ABI1: variants seen among roughly 807,000 people sequenced by gnomAD.
ABI1 encodes the protein Abelson interactor 1.
Under a neutral mutation model 54.6 loss-of-function variants are expected in ABI1, and 14 were observed. The observed-to-expected ratio is 0.26, with a 90% confidence interval of 0.17 to 0.40. The LOEUF is 0.40. ABI1 is among the 10% of genes least tolerant of loss of function. The pLI, the probability that ABI1 is intolerant of heterozygous loss-of-function variation, is 1.00. For synonymous variants in ABI1, 194 were observed against 209.3 expected (o/e 0.93, Z 0.63); for missense variants, 443 against 598.3 (o/e 0.74, Z 2.71).
At chr10:26,818,779 C>A (rs1413570682) in intron 2 of ABI1, among the ~76,000 whole-genome samples, 1 of 151,994 alleles carries the variant, frequency 6.6e-6, no homozygotes, top group Non-Finnish European at 1.5e-5. Context: ...ATCACGAGGT[C>A]AGGGGTTCAA....
At chr10:26,753,521 G>A (rs989566927) in intron 9 of ABI1, among the ~76,000 whole-genome samples, 1 of 152,166 alleles carries the variant, frequency 6.6e-6, no homozygotes, top group African/African-American at 2.4e-5. Flanking sequence ...TATGGCGAAG[G>A]AAGTCTTGGT....
Position 26,791,726 on chromosome 10 carries a change from T to C in ABI1, c.286-14485A>G, listed in dbSNP as rs1052152529. On this transcript the variant is annotated intron_variant, in intron 2 of 10. Transcript: ENST00000376140. ...AAATCATGCTTATAAGGAAACTTGG[T>C]ATCTTACAGTGATAGCACAGTAAGA... 3.2e-4 allele frequency among the ~76,000 whole-genome samples: 49 copies of C among 152,170 alleles called. 1 individual carries two copies. Among genetic ancestry groups the C allele is most frequent in the African/African-American group, 1.1e-3 (47 of 41,446 alleles).
At chr10:26,802,227 C>T (rs2046610811) in intron 2 of ABI1, among the ~76,000 whole-genome samples, 5 of 152,172 alleles carry the variant, frequency 3.3e-5, no homozygotes. Flanking sequence ...GATGCCAGAC[C>T]TTTAAAGAAC....
intron 2 of ABI1, among the ~76,000 whole-genome samples, chr10:26,822,393 G>A (rs995181700): frequency 4.9e-5 from 7 of 143,164 alleles, no homozygotes; most frequent in Non-Finnish European, 1.1e-4. Context: ...AAAAGCATAT[G>A]ACCACACAAA....
intron 1 of ABI1, among the ~76,000 whole-genome samples, chr10:26,855,003 T>A (rs2050696216): frequency 6.7e-6 from 1 of 148,230 alleles, no homozygotes; most frequent in African/African-American, 2.5e-5. Flanking sequence ...CAAAACTTCT[T>A]GAGCATCAAC....
At chr10:26,775,198 G>A (rs1841227378) in intron 3 of ABI1, among the ~76,000 whole-genome samples, 1 of 152,076 alleles carries the variant, frequency 6.6e-6, no homozygotes, top group Non-Finnish European at 1.5e-5. Flanking sequence ...ATCCTTTAGA[G>A]AGAACACAAA....
intron 1 of ABI1, among the ~76,000 whole-genome samples, chr10:26,856,834 G>A (rs951003798): frequency 2.3e-4 from 35 of 152,096 alleles, no homozygotes; most frequent in African/African-American, 8.4e-4. Flanking sequence ...CTTTTCACTC[G>A]GCTTTCCTTC....
At chr10:26,847,296 G>A (rs1382547519) in intron 1 of ABI1, among the ~76,000 whole-genome samples, 1 of 152,082 alleles carries the variant, frequency 6.6e-6, no homozygotes, top group Non-Finnish European at 1.5e-5. Context: ...AAGAATAAGA[G>A]TTATCACCAG....
intron 3 of ABI1, among the ~76,000 whole-genome samples, chr10:26,772,428 A>G (rs1307417654): frequency 6.6e-6 from 1 of 152,266 alleles, no homozygotes; most frequent in East Asian, 1.9e-4. Context: ...ATATGTCCAC[A>G]TATCTTCCTT....
intron 8 of ABI1, among the ~76,000 whole-genome samples, chr10:26,757,489 G>C (rs1192309816): frequency 1.3e-5 from 2 of 151,920 alleles, no homozygotes; most frequent in East Asian, 3.9e-4. Flanking sequence ...AAAAAGATGG[G>C]ATCTAAAAAT....
At chr10:26,764,841 G>T (rs1839712137) in intron 7 of ABI1, among the ~76,000 whole-genome samples, 1 of 152,134 alleles carries the variant, frequency 6.6e-6, no homozygotes, top group South Asian at 2.1e-4. Context: ...ATGTGTGTAG[G>T]TTATATGCAA....
In ABI1 at chr10:26,823,173, G is replaced by A. The variant is rs781745153; in HGVS notation, c.250C>T (p.Arg84Trp). Residue 84 changes from arginine (R) to tryptophan (W), a missense_variant, in exon 2 of 11, where the codon CGG (arginine) becomes TGG (tryptophan). By Grantham distance (101) the Arg-to-Trp change is moderately radical. This residue lies in a region of ABI1 where 394 missense variants were observed against 484.8 expected (regional missense o/e 0.81). Coordinates refer to ENST00000376140, the MANE Select transcript of ABI1 (RefSeq NM_001012750.3). ...TGATTGATGGAAGACTCCATTCTCC[G>A]AAGCTGAGAGGCTTGGATATCCAGC... ...QLLDIQASQL[R>W]RMESSINHIS... 8.8e-6 allele frequency: 14 copies of A among 1,598,448 alleles called. No homozygotes were observed. Among genetic ancestry groups the A allele is most frequent in the South Asian group, 4.6e-5 (4 of 86,918 alleles).
At chr10:26,763,547 T>C (rs118044241) in intron 7 of ABI1, among the ~76,000 whole-genome samples, 4,393 of 152,244 alleles carry the variant, frequency 0.029, 83 homozygotes, top group Non-Finnish European at 0.041. Context: ...CCTTTGACTG[T>C]TGTATATACC....
intron 1 of ABI1, among the ~76,000 whole-genome samples, chr10:26,836,411 C>T (rs1357863751): frequency 6.6e-6 from 1 of 152,160 alleles, no homozygotes; most frequent in Non-Finnish European, 1.5e-5. Flanking sequence ...CTACGCCTGA[C>T]CTCTTGATAG....
At position 26,775,499 on chromosome 10, in the gene ABI1, GC is replaced by G. The variant is rs1172210279; in HGVS notation, c.462+1565del. On this transcript the variant is annotated intron_variant, in intron 3 of 10. Coordinates refer to ENST00000376140, the MANE Select transcript of ABI1 (RefSeq NM_001012750.3). ...TAAAAAAATCTAAAAAAAAAACCAA[GC>G]CCCCCAACCCTGTGTCTAATGTATC... Among the ~76,000 whole-genome samples, 6 of 151,222 alleles carry G rather than the reference GC, an allele frequency of 4.0e-5. No individual in the cohort carries two copies. In the East Asian group the frequency reaches 9.7e-4, roughly 24 times the overall value.
chr10:26,791,505 A>G (rs1031591527), intron 2 of ABI1, among the ~76,000 whole-genome samples: 1 of 152,206 alleles, frequency 6.6e-6, no homozygotes, highest in African/African-American at 2.4e-5. Flanking sequence ...AAAAATGCCA[A>G]CAGAGATTTT....
chr10:26,774,247 A>AT (rs1009062202), intron 3 of ABI1, among the ~76,000 whole-genome samples: 27 of 152,162 alleles, frequency 1.8e-4, no homozygotes, highest in African/African-American at 6.5e-4. Flanking sequence ...TTGTCCTCGT[A>AT]TTTTTTACTT....
intron 2 of ABI1, among the ~76,000 whole-genome samples, chr10:26,782,021 G>C (rs1020735896): frequency 6.6e-6 from 1 of 152,142 alleles, no homozygotes; most frequent in African/African-American, 2.4e-5. Context: ...CTCATGGTGA[G>C]AGGAACCACA....
At chr10:26,846,050 G>C (rs1165597025) in intron 1 of ABI1, among the ~76,000 whole-genome samples, 2 of 151,698 alleles carry the variant, frequency 1.3e-5, no homozygotes, top group African/African-American at 2.4e-5. Flanking sequence ...CTGAGGCAGA[G>C]AGACTTGCTT....
Sources: gnomAD v4.1 joint callset for allele counts (sites outside exome capture counted in the v4.1 genomes callset) on GRCh38, gnomAD v4.1.1 for gene constraint, gnomAD v4.1.1 regional missense constraint, MANE v1.5 for transcripts, NCBI Gene and HGNC (gene_info 2026-07-23, HGNC 2026-07-21) for gene names.